Variants in NRG3 observed in about 807,000 individuals in gnomAD.
The protein encoded by NRG3 is neuregulin 3.
In NRG3, 31 loss-of-function variants were observed where a neutral mutation model predicts 66.9. That is an observed-to-expected ratio of 0.46 (90% CI 0.35 to 0.63). The LOEUF (loss-of-function observed/expected upper bound fraction) is 0.63, where lower values mean the gene tolerates loss of function less well. Among genes scored for constraint, NRG3 ranks in the 20% least tolerant of loss-of-function variants. The probability of loss-of-function intolerance (pLI) is 0.00; values close to 1 mark genes in which losing one functional copy is unlikely to be tolerated. For synonymous variants in NRG3, 393 were observed against 359.4 expected, an observed-to-expected ratio of 1.09 and a Z score of -1.06; for missense variants, 910 against 878.9, an observed-to-expected ratio of 1.04 and a Z score of -0.45.
At chr10:82,220,085 A>G (rs1269945047) in intron 1 of NRG3, among the ~76,000 whole-genome samples, 6 of 151,972 alleles carry the variant, frequency 3.9e-5, no homozygotes, top group Admixed American at 1.3e-4. Flanking sequence ...ACAACAAATA[A>G]TGCAAATTAA....
At chr10:82,959,482 AGTT>A (rs1231832375) in intron 6 of NRG3, among the ~76,000 whole-genome samples, 2 of 152,150 alleles carry the variant, frequency 1.3e-5, no homozygotes, top group Non-Finnish European at 2.9e-5. Context: ...GTTCCGAGAT[AGTT>A]GTTGTTGCAG....
intron 1 of NRG3, among the ~76,000 whole-genome samples, chr10:82,289,640 T>A (rs1157485155): frequency 4.6e-5 from 7 of 152,210 alleles, no homozygotes; most frequent in Non-Finnish European, 8.8e-5. Context: ...GCCTTTCAAT[T>A]TTTTTGTCAC....
chr10:81,935,630 T>G (rs902697234), intron 1 of NRG3, among the ~76,000 whole-genome samples: 5 of 152,108 alleles, frequency 3.3e-5, no homozygotes, highest in Admixed American at 1.3e-4. Flanking sequence ...CCACCTTTGT[T>G]GTTCTTCTTG....
At chr10:82,119,273 G>A (rs574761454) in intron 1 of NRG3, among the ~76,000 whole-genome samples, 4 of 152,098 alleles carry the variant, frequency 2.6e-5, no homozygotes, top group Non-Finnish European at 2.9e-5. Context: ...CTGTAACAAC[G>A]ACAACAATGT....
At chr10:82,406,641 A>G (rs1033591033) in intron 2 of NRG3, among the ~76,000 whole-genome samples, 5 of 152,162 alleles carry the variant, frequency 3.3e-5, no homozygotes, top group African/African-American at 1.2e-4. Context: ...ACAGACAAAG[A>G]AACTGAGTTG....
At chr10:82,714,728 A>G (rs1290459271) in intron 2 of NRG3, among the ~76,000 whole-genome samples, 2 of 152,158 alleles carry the variant, frequency 1.3e-5, no homozygotes, top group Non-Finnish European at 2.9e-5. Flanking sequence ...CAGAGGAAAT[A>G]TTTTTTTAAT....
At chr10:82,931,647 T>A (rs2132165472) in intron 4 of NRG3, among the ~76,000 whole-genome samples, 1 of 152,326 alleles carries the variant, frequency 6.6e-6, no homozygotes, top group East Asian at 1.9e-4. Context: ...TTTGAGGTCC[T>A]TGAGGGCCAA....
intron 1 of NRG3, among the ~76,000 whole-genome samples, chr10:81,985,098 G>T (rs1384328227): frequency 6.6e-6 from 1 of 152,156 alleles, no homozygotes; most frequent in Non-Finnish European, 1.5e-5. Context: ...CATCCATTGT[G>T]TGCTTTCCAT....
intron 1 of NRG3, among the ~76,000 whole-genome samples, chr10:82,012,354 A>C (rs1010409214): frequency 6.6e-6 from 1 of 151,872 alleles, no homozygotes; most frequent in South Asian, 2.1e-4. Flanking sequence ...CCATGAAACC[A>C]TTTTTTCTGC....
At chr10:82,388,509 T>C (rs1221748746) in intron 2 of NRG3, among the ~76,000 whole-genome samples, 1 of 152,146 alleles carries the variant, frequency 6.6e-6, no homozygotes, top group East Asian at 1.9e-4. Flanking sequence ...AATAATAAAA[T>C]TAATTTAAGA....
intron 2 of NRG3, among the ~76,000 whole-genome samples, chr10:82,681,148 A>G (rs774944095): frequency 7.2e-5 from 11 of 152,198 alleles, no homozygotes; most frequent in Non-Finnish European, 1.3e-4. Context: ...AGGAAAAAAA[A>G]CTGCCTTTTG....
chr10:82,410,439 G>A (rs2087975171), intron 2 of NRG3, among the ~76,000 whole-genome samples: 1 of 135,988 alleles, frequency 7.4e-6, no homozygotes, highest in Non-Finnish European at 1.5e-5. Flanking sequence ...TACTGTATGA[G>A]TCCATATATA....
At chr10:82,195,723 T>A (rs1254458025) in intron 1 of NRG3, among the ~76,000 whole-genome samples, 1 of 152,124 alleles carries the variant, frequency 6.6e-6, no homozygotes, top group Non-Finnish European at 1.5e-5. Flanking sequence ...GACATTGAAA[T>A]GGGGAGATTA....
intron 1 of NRG3, among the ~76,000 whole-genome samples, chr10:81,970,805 A>C (rs1203182180): frequency 6.6e-6 from 1 of 152,188 alleles, no homozygotes; most frequent in Non-Finnish European, 1.5e-5. Flanking sequence ...AACCTCATAC[A>C]ATTTAGGAAG....
At chr10:81,993,568 A>G (rs2133594611) in intron 1 of NRG3, among the ~76,000 whole-genome samples, 1 of 152,120 alleles carries the variant, frequency 6.6e-6, no homozygotes, top group South Asian at 2.1e-4. Flanking sequence ...CTTGGCCTTG[A>G]ACTCCTGGCC....
intron 1 of NRG3, among the ~76,000 whole-genome samples, chr10:81,886,780 G>A (rs1276622627): frequency 6.6e-6 from 1 of 151,938 alleles, no homozygotes; most frequent in East Asian, 1.9e-4. Flanking sequence ...AAAGCTTTCG[G>A]GAAATGTTTG....
intron 1 of NRG3, among the ~76,000 whole-genome samples, chr10:82,020,676 A>G (rs2062018693): frequency 6.6e-6 from 1 of 152,130 alleles, no homozygotes; most frequent in Non-Finnish European, 1.5e-5. Context: ...GTTCCCAAGA[A>G]TCAAGTTACA....
rs557782391 is a variant in NRG3, at chr10:82,592,454, G to A, written c.954-146123G>A. On this transcript the variant is annotated intron_variant, in intron 2 of 8. Coordinates refer to ENST00000372141, the MANE Select transcript of NRG3 (RefSeq NM_001010848.4). Reference sequence around the variant, plus strand: ...TCACATGGCAAACAATTTCTAGGCAGGCAAAGAAATATGGTTTGCCTTGTG... The same window carrying A: ...TCACATGGCAAACAATTTCTAGGCAAGCAAAGAAATATGGTTTGCCTTGTG... 2.0e-5 allele frequency among the ~76,000 whole-genome samples: 3 copies of A among 152,254 alleles called. No homozygotes were observed. The South Asian group carries it at 6.2e-4, about 32-fold the overall frequency.
chr10:82,346,588 T>C (rs577408702), intron 1 of NRG3, among the ~76,000 whole-genome samples: 1 of 152,064 alleles, frequency 6.6e-6, no homozygotes, highest in Non-Finnish European at 1.5e-5. Context: ...ATAAAACGAG[T>C]TAGGGAGGAT....
Sources: allele counts gnomAD v4.1 joint callset (sites outside exome capture counted in the v4.1 genomes callset), GRCh38; gene constraint gnomAD v4.1.1; transcripts MANE v1.5; gene names NCBI Gene and HGNC (gene_info 2026-07-23, HGNC 2026-07-21).